RPP40: variants seen among roughly 807,000 people sequenced by gnomAD.
RPP40 encodes the protein ribonuclease P/MRP subunit p40.
A neutral mutation model predicts 42.5 loss-of-function variants in RPP40; 30 were observed. That is an observed-to-expected ratio of 0.71 (90% CI 0.53 to 0.96). The LOEUF is 0.96. Ranked by LOEUF, RPP40 falls within the 40% of genes least tolerant of loss-of-function variation. RPP40 has a pLI of 0.00. For missense variants in RPP40, 426 were observed against 433.5 expected, an observed-to-expected ratio of 0.98 and a Z score of 0.15; for synonymous variants, 173 against 164.0, an observed-to-expected ratio of 1.05 and a Z score of -0.42.
intron 5 of RPP40, among the ~76,000 whole-genome samples, chr6:4,997,782 C>T (rs1313956089): frequency 6.6e-6 from 1 of 152,164 alleles, no homozygotes; most frequent in Non-Finnish European, 1.5e-5. Flanking sequence ...GTGTCTTCTG[C>T]CAGCATCCCT....
At chr6:5,003,840 A>G (rs1759668041) in intron 1 of RPP40, 40 bp downstream of exon 1, 1 of 1,585,362 alleles carries the variant, frequency 6.3e-7, no homozygotes, top group Admixed American at 1.7e-5. Context: ...GCACGCGGGG[A>G]CTGAGCACGG....
intron 5 of RPP40, among the ~76,000 whole-genome samples, chr6:4,997,421 G>A (rs1759416757): frequency 6.6e-6 from 1 of 152,226 alleles, no homozygotes; most frequent in African/African-American, 2.4e-5. Context: ...AGAACTCCAG[G>A]TTCTCTAGCC....
chr6:4,996,385 T>C lies in RPP40; in HGVS notation c.595A>G (p.Lys199Glu). The C allele has an allele frequency of 1.2e-6, 2 of 1,613,802 alleles. No homozygotes were observed. The highest frequency in any genetic ancestry group is 1.3e-5 in the African/African-American group (1 of 75,032). The change falls in exon 6 of 8, where the codon AAG becomes GAG. Residue 199 changes from lysine (K) to glutamate (E), a missense_variant. Lys to Glu is a moderately conservative substitution (Grantham distance 56). Transcript: ENST00000380051. ...EESTMMSYFS[K>E]YQIQEHQPKV... ...GGCTGATGCTCCTGAATTTGGTACTTGGAAAAATATGACATCATTGTCGAT... is the reference window on the plus strand; with the variant it reads ...GGCTGATGCTCCTGAATTTGGTACTCGGAAAAATATGACATCATTGTCGAT...
Position 5,003,942 on chromosome 6 carries a change from T to G in RPP40, c.61A>C (p.Asn21His). The change falls in exon 1 of 8, where the codon AAC becomes CAC. Residue 21 changes from asparagine to histidine, a missense_variant. Physicochemically the swap from Asn to His is moderately conservative, Grantham distance 68. Transcript: ENST00000380051. ...TGGCGCGACTTGTGGTTGCCGAAGT[T>G]GGATTTCTCGCAAACCAGTAAGTGC... ...PRHLLVCEKSNFGNHKSRHRH... is the reference protein window; with the variant it reads ...PRHLLVCEKSHFGNHKSRHRH... 6.2e-7 allele frequency: 1 copy of G among 1,613,680 alleles called. No homozygotes were observed. Among genetic ancestry groups the G allele is most frequent in the Non-Finnish European group, 8.5e-7 (1 of 1,179,756 alleles).
intron 3 of RPP40, among the ~76,000 whole-genome samples, chr6:5,000,282 G>C (rs892206993): frequency 2.0e-5 from 3 of 152,040 alleles, no homozygotes; most frequent in Admixed American, 6.6e-5. Context: ...CCGCCTCCCA[G>C]GTTCAAAGCG....
chr6:5,003,999 C>G lies in RPP40; in HGVS notation c.4G>C (p.Ala2Pro), dbSNP rs765981570. 1.9e-6 allele frequency: 3 copies of G among 1,606,904 alleles called. No homozygotes were observed. The highest frequency in any genetic ancestry group is 2.7e-5 in the African/African-American group (2 of 74,346). The change falls in exon 1 of 8, where the codon GCC (alanine) becomes CCC (proline). Residue 2 changes from alanine to proline, a missense_variant. Transcript: ENST00000380051. ...GCCTCCCGAAGCCGGCGCAGCGTGG[C>G]CATGCTCTCCTGGGTTCCTGGTCCT... M[A>P]TLRRLREAPR...
At chr6:4,993,557 G>T (rs908592385), downstream of RPP40, among the ~76,000 whole-genome samples, 4 of 151,880 alleles carry the variant, frequency 2.6e-5, no homozygotes, top group African/African-American at 9.7e-5. Context: ...TTTTTTCTAT[G>T]AACTTACATT....
At chr6:4,996,167 T>TAA in intron 6 of RPP40, 55 bp downstream of exon 6, 1 of 1,605,620 alleles carries the variant, frequency 6.2e-7, no homozygotes, top group East Asian at 2.2e-5. Flanking sequence ...AAACTCCTAT[T>TAA]AAAAACAAGC....
intron 2 of RPP40, among the ~76,000 whole-genome samples, chr6:5,001,363 T>C (rs759097706): frequency 2.1e-4 from 32 of 152,182 alleles, no homozygotes; most frequent in Non-Finnish European, 4.0e-4. Context: ...ATAACGGTGA[T>C]GAGACCAGAC....
At position 4,998,699 on chromosome 6, in the gene RPP40, T is replaced by C. The variant is rs2127541454; in HGVS notation, c.559+17A>G. On this transcript the variant is annotated intron_variant, in intron 5 of 7. Transcript: ENST00000380051. Reference sequence around the variant, plus strand: ...CTTTCAAAATCACTGTATCATTACATAATTTATTCCTCATACCTGTTTTAT... The same window carrying C: ...CTTTCAAAATCACTGTATCATTACACAATTTATTCCTCATACCTGTTTTAT... 6.6e-7 allele frequency: 1 copy of C among 1,504,078 alleles called. No homozygotes were observed. Among genetic ancestry groups the C allele is most frequent in the East Asian group, 2.3e-5 (1 of 43,748 alleles). 93.2% of individuals were successfully genotyped at this position (1,504,078 alleles called of 1,614,324 possible). A position where few individuals can be genotyped will look rare whatever the true frequency, so the allele number is the denominator to read the frequency against.
chr6:4,996,142 C>A, intron 6 of RPP40, 57 bp from the exon 7 acceptor site: 1 of 1,608,576 alleles, frequency 6.2e-7, no homozygotes, highest in Admixed American at 1.7e-5. Context: ...ATCACATGAT[C>A]ACTTCCAAAG....
chr6:5,003,953 C>CAAACCA lies in RPP40; in HGVS notation c.44_49dup (p.Leu15_Val16dup), dbSNP rs754275649. 6.2e-7 allele frequency: 1 copy of CAAACCA among 1,613,560 alleles called. No individual in the cohort carries two copies. The highest frequency in any genetic ancestry group is 1.7e-5 in the Admixed American group (1 of 60,020). On this transcript the variant is annotated inframe_insertion, in exon 1 of 8. Coordinates refer to ENST00000380051, the MANE Select transcript of RPP40 (RefSeq NM_006638.4). ...GTGGTTGCCGAAGTTGGATTTCTCG[C>CAAACCA]AAACCAGTAAGTGCCGCGGCGCCTC...
chr6:4,991,152 C>T (rs1213020172), downstream of RPP40, among the ~76,000 whole-genome samples: 2 of 152,072 alleles, frequency 1.3e-5, no homozygotes, highest in East Asian at 3.9e-4. Flanking sequence ...CATTAAGTCC[C>T]ACTTTGACCT....
rs745981946 is a variant in RPP40, at chr6:4,995,267, A to C, written c.903T>G (p.Phe301Leu). The C allele has an allele frequency of 4.2e-5, 67 of 1,610,966 alleles. No individual in the cohort carries two copies. Among genetic ancestry groups the C allele is most frequent in the South Asian group, 6.6e-5 (6 of 90,634 alleles). ...CLLLEHLCHY[F>L]DEPKLAPWVT... ...CCCATGGAGCTAACTTCGGTTCATC[A>C]AAGTAGTGACTGAAAAAAAGGTAGT... The change falls in exon 8 of 8, where the codon TTT (phenylalanine) becomes TTG (leucine). Residue 301 changes from phenylalanine to leucine, a missense_variant. Coordinates refer to ENST00000380051, the MANE Select transcript of RPP40 (RefSeq NM_006638.4).
intron 3 of RPP40, 138 bp from the exon 4 acceptor site, chr6:5,000,042 ATAT>A (rs1191163378): frequency 5.2e-6 from 3 of 572,700 alleles, no homozygotes; most frequent in Non-Finnish European, 6.3e-6. Flanking sequence ...TATCACAAGA[ATAT>A]TATTTATGTG....
intron 4 of RPP40, among the ~76,000 whole-genome samples, chr6:4,999,365 C>T (rs1759478460): frequency 8.1e-6 from 1 of 123,070 alleles, no homozygotes; most frequent in Admixed American, 1.1e-4. Context: ...GTGGTGCGAT[C>T]TTGGCTCACT....
chr6:4,990,767 C>T (rs998121439), downstream of RPP40, among the ~76,000 whole-genome samples: 2 of 151,926 alleles, frequency 1.3e-5, no homozygotes, highest in Non-Finnish European at 2.9e-5. Flanking sequence ...AGGTGCGAGC[C>T]ACCACGCCTA....
chr6:4,996,337 T>C lies in RPP40; in HGVS notation c.643A>G (p.Arg215Gly), dbSNP rs202106219. The C allele has an allele frequency of 5.8e-5, 93 of 1,614,144 alleles. No individual in the cohort carries two copies. In the East Asian group the frequency reaches 1.3e-3, roughly 23 times the overall value. ...TGCAGCACTGGGCACTGGAGATCTC[T>C]CAACGTGCTCAGTGCTACTTTTGGC... ...HQPKVALSTL[R>G]DLQCPVLQSS... The change falls in exon 6 of 8, where the codon AGA becomes GGA. Residue 215 changes from arginine (R) to glycine (G), a missense_variant. Coordinates refer to ENST00000380051, the MANE Select transcript of RPP40 (RefSeq NM_006638.4).
chr6:4,996,440 A>C lies in RPP40; in HGVS notation c.560-20T>G. 1 of 1,610,232 alleles carries C rather than the reference A, an allele frequency of 6.2e-7. No individual in the cohort carries two copies. The highest frequency in any genetic ancestry group is 8.5e-7 in the Non-Finnish European group (1 of 1,179,416). ...CTGAACCTTAAAAACACACCACACA[A>C]GGCCATTTGAATCCATCTGACCATC... On this transcript the variant is annotated intron_variant, in intron 5 of 7. Transcript: ENST00000380051.
Sources: allele counts gnomAD v4.1 joint callset (sites outside exome capture counted in the v4.1 genomes callset), GRCh38; gene constraint gnomAD v4.1.1; transcripts MANE v1.5; gene names NCBI Gene and HGNC (gene_info 2026-07-23, HGNC 2026-07-21).